GRK4: variants seen among roughly 807,000 people sequenced by gnomAD.
GRK4 encodes G protein-coupled receptor kinase 4.
Under a neutral mutation model 77.9 loss-of-function variants are expected in GRK4, and 73 were observed. That is an observed-to-expected ratio of 0.94 (90% CI 0.78 to 1.14). The LOEUF (loss-of-function observed/expected upper bound fraction) is 1.14, where lower values mean the gene tolerates loss of function less well. Ranked by LOEUF, GRK4 falls within the 50% of genes most tolerant of loss-of-function variation. The pLI is 0.00. For missense variants in GRK4, 729 were observed against 700.2 expected (o/e 1.04, Z -0.46); for synonymous variants, 257 against 254.4 (o/e 1.01, Z -0.10).
At position 2,963,654 on chromosome 4, in the gene GRK4, G is replaced by T. The variant is rs929678591; in HGVS notation, c.-417G>T. On this transcript the variant is annotated 5_prime_UTR_variant, in exon 1 of 16. Coordinates refer to ENST00000398052, the MANE Select transcript of GRK4 (RefSeq NM_182982.3). ...GAGCCCGCCCGGGAGCGGGTCGCCG[G>T]CCGCGGCGGGCGCCCCTGCCAGTGA... 1.3e-5 allele frequency: 5 copies of T among 373,076 alleles called. No homozygotes were observed. Among genetic ancestry groups the T allele is most frequent in the African/African-American group, 2.1e-5 (1 of 46,880 alleles). The allele number at this position is 373,076 out of a possible 1,614,324, so 23.1% of individuals were successfully genotyped here.
intron 6 of GRK4, 102 bp from the exon 7 acceptor site, chr4:3,009,546 A>G (rs556281505): frequency 1.2e-6 from 1 of 825,372 alleles, no homozygotes; most frequent in African/African-American, 1.7e-5. Flanking sequence ...CTTTGAGCAG[A>G]ATGGTTCAAT....
chr4:2,983,763 A>G (rs137865938), intron 1 of GRK4, among the ~76,000 whole-genome samples: 15 of 152,244 alleles, frequency 9.9e-5, no homozygotes, highest in Admixed American at 3.3e-4. Flanking sequence ...TGAAGATACT[A>G]CCTGAGACTG....
chr4:3,000,801 C>T (rs1729318496), intron 4 of GRK4, among the ~76,000 whole-genome samples: 1 of 152,028 alleles, frequency 6.6e-6, no homozygotes, highest in Admixed American at 6.6e-5. Context: ...ATCTCTTGAC[C>T]TCGTGATCTG....
At chr4:3,026,674 C>T (rs28488454) in intron 10 of GRK4, among the ~76,000 whole-genome samples, 2 of 152,240 alleles carry the variant, frequency 1.3e-5, no homozygotes, top group Admixed American at 6.5e-5. Flanking sequence ...CTCAGACCCA[C>T]GCCATCGGGC....
At position 3,038,367 on chromosome 4, in the gene GRK4, T is replaced by C. The variant is rs751276654; in HGVS notation, c.1546-9T>C. The C allele has an allele frequency of 8.7e-6, 14 of 1,613,990 alleles. No homozygotes were observed. The highest frequency in any genetic ancestry group is 1.2e-5 in the Non-Finnish European group (14 of 1,179,970). ...GCGGCTTCTCTGTCCTGTTATTCTG[T>C]GCATGCAGATGATCGAATCTGGGTG... On this transcript the variant is annotated splice_polypyrimidine_tract_variant and intron_variant, in intron 14 of 15. Coordinates refer to ENST00000398052, the MANE Select transcript of GRK4 (RefSeq NM_182982.3).
At chr4:3,006,535 T>G (rs1348206320) in intron 5 of GRK4, among the ~76,000 whole-genome samples, 2 of 152,122 alleles carry the variant, frequency 1.3e-5, no homozygotes, top group Non-Finnish European at 2.9e-5. Flanking sequence ...ATCCTAGCAC[T>G]TTGGGAGGCC....
intron 8 of GRK4, among the ~76,000 whole-genome samples, chr4:3,014,053 AC>A (rs756590482): frequency 3.3e-5 from 5 of 152,104 alleles, no homozygotes; most frequent in Non-Finnish European, 5.9e-5. Context: ...ACTGCTTCTA[AC>A]TTCTGGTTTG....
intron 7 of GRK4, among the ~76,000 whole-genome samples, chr4:3,012,482 C>T (rs1308884373): frequency 6.6e-6 from 1 of 152,156 alleles, no homozygotes; most frequent in Non-Finnish European, 1.5e-5. Flanking sequence ...TTATCACTGT[C>T]CTTATTACTT....
At chr4:3,002,308 A>T (rs1184315652) in intron 4 of GRK4, among the ~76,000 whole-genome samples, 1 of 152,134 alleles carries the variant, frequency 6.6e-6, no homozygotes, top group Non-Finnish European at 1.5e-5. Flanking sequence ...CACATACTTT[A>T]AACACTGGAC....
chr4:3,022,301 G>A (rs1207833516), intron 9 of GRK4, 113 bp from the exon 10 acceptor site: 2 of 929,232 alleles, frequency 2.2e-6, no homozygotes, highest in Non-Finnish European at 3.4e-6. Flanking sequence ...ATGAAGGGCA[G>A]TTTCGTGTTT....
chr4:2,964,064 C>T lies in GRK4; in HGVS notation c.-7C>T. The T allele has an allele frequency of 1.9e-6, 3 of 1,608,770 alleles. No individual in the cohort carries two copies. The highest frequency in any genetic ancestry group is 2.5e-6 in the Non-Finnish European group (3 of 1,178,852). On this transcript the variant is annotated 5_prime_UTR_variant, in exon 1 of 16. Coordinates refer to ENST00000398052, the MANE Select transcript of GRK4 (RefSeq NM_182982.3). ...GCAGAATCCGCCGGCGGCGGCGGCG[C>T]CAGGACATGGAGCTCGAGAACATCG...
rs771757282 is a variant in GRK4, at chr4:3,001,326, T to TACACACACAC, written c.340-2885_340-2876dup. Among the ~76,000 whole-genome samples the TACACACACAC allele has an allele frequency of 2.5e-4, 29 of 115,196 alleles. 1 individual carries two copies. The highest frequency in any genetic ancestry group is 1.0e-3 in the African/African-American group (27 of 26,290). 75.6% of individuals were successfully genotyped at this position (115,196 alleles called of 152,430 possible). ...GTATATATGTGTGTGTGAGTACATATACACACACACACACACACACACACA... is the reference window on the plus strand; with the variant it reads ...GTATATATGTGTGTGTGAGTACATATACACACACACACACACACACACACACACACACACA... On this transcript the variant is annotated intron_variant, in intron 4 of 15. Transcript: ENST00000398052.
At position 3,037,358 on chromosome 4, in the gene GRK4, T is replaced by C. The variant is rs1578426682; in HGVS notation, c.1408-16T>C. ...CTGTAGTCATCTCAGAGGCTGCCCC[T>C]GTTCTTGCTACACAGCCTCATGCCG... On this transcript the variant is annotated splice_polypyrimidine_tract_variant and intron_variant, in intron 13 of 15. Transcript: ENST00000398052. The C allele has an allele frequency of 6.4e-7, 1 of 1,570,526 alleles. No homozygotes were observed. Among genetic ancestry groups the C allele is most frequent in the Non-Finnish European group, 8.7e-7 (1 of 1,146,286 alleles).
chr4:3,004,202 G>T (rs745458161), intron 4 of GRK4, 29 bp from the exon 5 acceptor site: 186 of 1,400,254 alleles, frequency 1.3e-4, no homozygotes, highest in Non-Finnish European at 1.8e-4. Flanking sequence ...ATCACTAATG[G>T]TTATGTATTT....
At chr4:2,968,664 G>T (rs1718504922) in intron 1 of GRK4, among the ~76,000 whole-genome samples, 1 of 152,086 alleles carries the variant, frequency 6.6e-6, no homozygotes, top group Non-Finnish European at 1.5e-5. Flanking sequence ...CAGTCTTGAG[G>T]CACATAAATA....
chr4:2,969,246 C>T (rs1474760986), intron 1 of GRK4: 1 of 152,166 alleles, frequency 6.6e-6, no homozygotes, highest in East Asian at 1.9e-4. Context: ...TAAAAGACTG[C>T]TCTTTCTAGT....
intron 4 of GRK4, 48 bp downstream of exon 4, chr4:2,992,340 T>C: frequency 8.2e-7 from 1 of 1,221,550 alleles, no homozygotes; most frequent in South Asian, 1.2e-5. Flanking sequence ...ATAATTAGAG[T>C]GCATAGCCAT....
chr4:2,979,263 G>A (rs995335583), intron 1 of GRK4, among the ~76,000 whole-genome samples: 2 of 151,788 alleles, frequency 1.3e-5, no homozygotes, highest in African/African-American at 4.8e-5. Context: ...AATTACCTGG[G>A]TGTGGTGGCA....
chr4:2,985,894 G>A, intron 2 of GRK4: 1 of 156,918 alleles, frequency 6.4e-6, no homozygotes, highest in Non-Finnish European at 1.4e-5. Context: ...AGCTACTTGG[G>A]AAGCTGAGGC....
Sources: gnomAD v4.1 joint callset for allele counts (sites outside exome capture counted in the v4.1 genomes callset) on GRCh38, gnomAD v4.1.1 for gene constraint, MANE v1.5 for transcripts, NCBI Gene and HGNC (gene_info 2026-07-23, HGNC 2026-07-21) for gene names.